The following CHM variants were observed in gnomAD, a reference collection of about 807,000 sequenced individuals.
The protein encoded by CHM is rab proteins geranylgeranyltransferase component A 1.
A neutral mutation model predicts 49.0 loss-of-function variants in CHM; 10 were observed. The observed-to-expected ratio is 0.20, with a 90% confidence interval of 0.13 to 0.35. CHM has a LOEUF of 0.35. Ranked by LOEUF, CHM falls within the 10% of genes least tolerant of loss-of-function variation. The pLI, the probability that CHM is intolerant of heterozygous loss-of-function variation, is 1.00. For synonymous variants in CHM, 184 were observed against 167.5 expected (o/e 1.10, Z -0.76); for missense variants, 455 against 478.4 (o/e 0.95, Z 0.46).
At chrX:86,000,513 C>CAAAAAAAAAAA (rs754600557) in intron 2 of CHM, among the ~76,000 whole-genome samples, 2 of 58,871 alleles carry the variant, frequency 3.4e-5, no homozygotes, top group Non-Finnish European at 3.0e-5. Context: ...GGAATATATT[C>CAAAAAAAAAAA]AAAAAAAAAA....
chrX:85,913,348 G>A (rs867181965), intron 8 of CHM, among the ~76,000 whole-genome samples: 10 of 58,053 alleles, frequency 1.7e-4, no homozygotes, highest in Admixed American at 5.7e-4. Context: ...AAGAAAGAAA[G>A]AAAGAAAGAA....
intron 8 of CHM, among the ~76,000 whole-genome samples, chrX:85,923,311 C>T (rs970355556): frequency 1.8e-5 from 2 of 112,384 alleles, no homozygotes; most frequent in South Asian, 3.7e-4. Context: ...AATACATCAA[C>T]GCTTTTGTTA....
At chrX:85,920,107 T>TA (rs1927691044) in intron 8 of CHM, among the ~76,000 whole-genome samples, 1 of 109,831 alleles carries the variant, frequency 9.1e-6, no homozygotes, top group African/African-American at 3.3e-5. Flanking sequence ...TTTTTATTTT[T>TA]TTTTTTGAGA....
At chrX:85,990,393 T>A (rs949919088) in intron 2 of CHM, among the ~76,000 whole-genome samples, 17 of 111,601 alleles carry the variant, frequency 1.5e-4, no homozygotes, top group Non-Finnish European at 3.0e-4. Context: ...CTGCGCTTAA[T>A]ACCTGGTTGC....
chrX:85,899,991 C>T (rs5968710), intron 11 of CHM, among the ~76,000 whole-genome samples: 26,679 of 109,278 alleles, frequency 0.24, 2,466 homozygotes, highest in African/African-American at 0.28. Context: ...ACAAACATTA[C>T]GGAAAACAGT....
intron 8 of CHM, among the ~76,000 whole-genome samples, chrX:85,912,509 C>A (rs1307297858): frequency 9.0e-6 from 1 of 111,406 alleles, no homozygotes; most frequent in Non-Finnish European, 1.9e-5. Context: ...GAATCAAAAA[C>A]ACAGGAAAAT....
intron 9 of CHM, among the ~76,000 whole-genome samples, chrX:85,906,851 C>G (rs753615435): frequency 1.5e-3 from 173 of 112,257 alleles, no homozygotes; most frequent in African/African-American, 4.4e-3. Flanking sequence ...AAGGCATAGA[C>G]AGCCGGACGT....
At position 86,045,258 on chromosome X, in the gene CHM, A is replaced by G. The variant is rs761057541; in HGVS notation, c.49+2226T>C. Among the ~76,000 whole-genome samples, 214 of 112,384 alleles carry G rather than the reference A, an allele frequency of 1.9e-3. 1 individual carries two copies. Among genetic ancestry groups the G allele is most frequent in the African/African-American group, 6.5e-3 (203 of 31,023 alleles). Reference sequence around the variant, plus strand: ...ATGTAATACATTTAATAAAGCAAACATTTTAAAGGCTACTTTCAGCAAACT... The same window carrying G: ...ATGTAATACATTTAATAAAGCAAACGTTTTAAAGGCTACTTTCAGCAAACT... On this transcript the variant is annotated intron_variant, in intron 1 of 14. Transcript: ENST00000357749.
chrX:85,970,174 T>C, intron 4 of CHM: 8 of 464,788 alleles, frequency 1.7e-5, no homozygotes, highest in Non-Finnish European at 2.1e-5. Flanking sequence ...AATGTTTATA[T>C]GTACCAAAAC....
intron 4 of CHM, among the ~76,000 whole-genome samples, chrX:85,974,023 G>A (rs1931111963): frequency 8.9e-6 from 1 of 111,903 alleles, no homozygotes; most frequent in African/African-American, 3.2e-5. Flanking sequence ...AAAGCTTCCA[G>A]AACTGGGAAG....
At chrX:85,991,813 C>T (rs977735628) in intron 2 of CHM, among the ~76,000 whole-genome samples, 3 of 110,535 alleles carry the variant, frequency 2.7e-5, no homozygotes, top group Admixed American at 1.9e-4. Context: ...TGTTGAGAAA[C>T]GCTGGCTTAA....
chrX:86,037,930 G>A (rs1934314053), intron 1 of CHM, among the ~76,000 whole-genome samples: 1 of 110,245 alleles, frequency 9.1e-6, no homozygotes, highest in South Asian at 3.9e-4. Flanking sequence ...TCCATAAACA[G>A]GACAATGAGT....
intron 14 of CHM, 21 bp downstream of exon 14, chrX:85,873,031 G>A: frequency 8.4e-7 from 1 of 1,197,596 alleles, no homozygotes; most frequent in Non-Finnish European, 1.1e-6. Flanking sequence ...ATACAAAACT[G>A]AGAAACATCA....
intron 12 of CHM, among the ~76,000 whole-genome samples, chrX:85,880,833 T>A (rs993464689): frequency 9.0e-6 from 1 of 111,622 alleles, no homozygotes; most frequent in Non-Finnish European, 1.9e-5. Context: ...AATTGATCTA[T>A]TAATACAAAT....
At chrX:85,935,685 T>G (rs1422537712) in intron 8 of CHM, among the ~76,000 whole-genome samples, 1 of 112,137 alleles carries the variant, frequency 8.9e-6, no homozygotes, top group Non-Finnish European at 1.9e-5. Flanking sequence ...AGGAACACCA[T>G]CATATATGTG....
chrX:85,961,452 G>A (rs1285791628), intron 5 of CHM, among the ~76,000 whole-genome samples: 4 of 106,214 alleles, frequency 3.8e-5, no homozygotes, highest in Non-Finnish European at 7.7e-5. Flanking sequence ...AGGAGGTAGG[G>A]CTTTAGGGCT....
At chrX:85,894,324 T>A (rs765308488) in intron 11 of CHM, 40 bp from the exon 12 acceptor site, 3 of 986,207 alleles carry the variant, frequency 3.0e-6, no homozygotes, top group Non-Finnish European at 4.3e-6. Flanking sequence ...AGCTGTTAGA[T>A]CTCATTTTCA....
At chrX:85,992,409 C>A (rs1292143558) in intron 2 of CHM, among the ~76,000 whole-genome samples, 2 of 111,614 alleles carry the variant, frequency 1.8e-5, no homozygotes, top group Non-Finnish European at 3.8e-5. Flanking sequence ...TATTGATTTG[C>A]CAGATATTAT....
At chrX:86,011,108 T>C (rs1933052727) in intron 2 of CHM, among the ~76,000 whole-genome samples, 1 of 112,095 alleles carries the variant, frequency 8.9e-6, no homozygotes, top group Non-Finnish European at 1.9e-5. Context: ...GGGATTGTTA[T>C]ATTCCAGGCA....
Sources: gnomAD v4.1 joint callset for allele counts (sites outside exome capture counted in the v4.1 genomes callset) on GRCh38, gnomAD v4.1.1 for gene constraint, MANE v1.5 for transcripts, NCBI Gene and HGNC (gene_info 2026-07-23, HGNC 2026-07-21) for gene names.